DAZL: variants seen among roughly 807,000 people sequenced by gnomAD.
DAZL encodes deleted in azoospermia like, also known as deleted in azoospermia-like.
DAZL carries 4 observed loss-of-function variants against 45.0 expected under a neutral mutation model. The observed-to-expected ratio is 0.09, with a 90% CI of 0.04 to 0.20. The LOEUF is 0.20. DAZL is among the 10% of genes least tolerant of loss of function. The pLI is 1.00. For synonymous variants in DAZL, 122 were observed against 112.4 expected (o/e 1.09, Z -0.54); for missense variants, 326 against 351.3 (o/e 0.93, Z 0.58).
rs368889592 is a variant in DAZL at position 16,592,030 on chromosome 3, C to T, written c.834+20G>A. ...CTAACAAGTGTGCTTTTTAATTGTGCGTAACTGTTATATTCATACCTTGAA... is the reference window on the plus strand; with the variant it reads ...CTAACAAGTGTGCTTTTTAATTGTGTGTAACTGTTATATTCATACCTTGAA... On this transcript the variant is annotated intron_variant, in intron 10 of 10. Transcript: ENST00000399444. 123 of 1,605,124 alleles carry T rather than the reference C, an allele frequency of 7.7e-5. No homozygotes were observed. In the African/African-American group the frequency reaches 1.5e-3, roughly 19 times the overall value.
chr3:16,593,612 A>T (rs1269388292), intron 9 of DAZL, 43 bp downstream of exon 9: 1 of 1,251,882 alleles, frequency 8.0e-7, no homozygotes, highest in Non-Finnish European at 1.1e-6. Context: ...TAAAACTAGA[A>T]AAAATAAATA....
intron 1 of DAZL, chr3:16,604,516 G>A (rs1465746246): frequency 4.0e-6 from 6 of 1,510,490 alleles, no homozygotes; most frequent in Admixed American, 2.2e-5. Context: ...CAAGTCCCCC[G>A]CAGCTGACAG....
rs1334148049 is a variant in DAZL, at chr3:16,598,478, C to T, written c.124G>A (p.Val42Ile). The change falls in exon 2 of 11, where the codon GTT becomes ATT. Residue 42 changes from valine (V) to isoleucine (I), a missense_variant. Around this residue, in one of 3 missense-constraint regions of DAZL, gnomAD observed 81 missense variants for 89.6 expected, o/e 0.90. Transcript: ENST00000399444. ...LPEGKIMPNTVFVGGIDVRMD... is the reference protein window; with the variant it reads ...LPEGKIMPNTIFVGGIDVRMD... ...CTAACATCAATTCCTCCAACAAAAA[C>T]AGTGTTTGGCATGATTTTGCCTTCT... The T allele has an allele frequency of 6.2e-7, 1 of 1,609,052 alleles. No individual in the cohort carries two copies. The highest frequency in any genetic ancestry group is 1.7e-5 in the Admixed American group (1 of 59,934).
intron 1 of DAZL, among the ~76,000 whole-genome samples, chr3:16,600,521 T>A (rs1345985233): frequency 6.6e-6 from 1 of 152,228 alleles, no homozygotes; most frequent in Non-Finnish European, 1.5e-5. Flanking sequence ...TTTCTAAAAA[T>A]GTCTTACGTT....
intron 8 of DAZL, 110 bp from the exon 9 acceptor site, chr3:16,593,878 T>C (rs181015266): frequency 1.0e-5 from 7 of 676,414 alleles, no homozygotes; most frequent in African/African-American, 3.7e-5. Flanking sequence ...GTAGGTTGTG[T>C]TGAAATTCAA....
At chr3:16,592,247 C>A in intron 9 of DAZL, 99 bp from the exon 10 acceptor site, 1 of 1,521,680 alleles carries the variant, frequency 6.6e-7, no homozygotes, top group Admixed American at 1.8e-5. Context: ...TACTTTATTT[C>A]TAAAGAAATG....
At position 16,589,550 on chromosome 3, in the gene DAZL, A is replaced by T. The variant is rs145557201; in HGVS notation, c.835-837T>A. On this transcript the variant is annotated intron_variant, in intron 10 of 10. Transcript: ENST00000399444. ...AAGATTATGAAGGGACTACAGAATC[A>T]AGACAGTGAAGAGTGGAATTAGCTA... 4.4e-3 allele frequency among the ~76,000 whole-genome samples: 673 copies of T among 152,348 alleles called. 4 individuals are homozygous for T. The highest frequency in any genetic ancestry group is 0.014 in the Middle Eastern group (4 of 294).
chr3:16,602,073 A>C lies in DAZL; in HGVS notation c.3+3130T>G, dbSNP rs999794045. Among the ~76,000 whole-genome samples, 4 of 152,178 alleles carry C rather than the reference A, an allele frequency of 2.6e-5. No individual in the cohort carries two copies. The South Asian group carries it at 8.3e-4, about 32-fold the overall frequency. ...AAAATTAAGAAAATATGACATGAAA[A>C]TCAGAATCAAAACTTTAAGTAAATC... On this transcript the variant is annotated intron_variant, in intron 1 of 10. Coordinates refer to ENST00000399444, the MANE Select transcript of DAZL (RefSeq NM_001351.4).
intron 6 of DAZL, among the ~76,000 whole-genome samples, chr3:16,595,821 C>T (rs983280473): frequency 6.6e-6 from 1 of 151,940 alleles, no homozygotes; most frequent in African/African-American, 2.4e-5. Context: ...GATGCTATGG[C>T]TTTTTCTGTA....
At chr3:16,604,699 G>C (rs964369454) in intron 1 of DAZL, 2 of 1,359,790 alleles carry the variant, frequency 1.5e-6, no homozygotes, top group African/African-American at 1.5e-5. Flanking sequence ...AGTTTAAGAA[G>C]GCAAGTCCCT....
intron 9 of DAZL, among the ~76,000 whole-genome samples, chr3:16,592,756 CT>C (rs1028975276): frequency 6.6e-6 from 1 of 151,998 alleles, no homozygotes; most frequent in African/African-American, 2.4e-5. Flanking sequence ...AGGACAAAAC[CT>C]GAAAATTACA....
chr3:16,597,359 T>C, intron 4 of DAZL, 131 bp downstream of exon 4: 1 of 766,172 alleles, frequency 1.3e-6, no homozygotes. Flanking sequence ...TTATGTAAGA[T>C]TCCTCTAAGT....
At chr3:16,599,142 G>A (rs1286891984) in intron 1 of DAZL, among the ~76,000 whole-genome samples, 1 of 151,522 alleles carries the variant, frequency 6.6e-6, no homozygotes, top group East Asian at 1.9e-4. Context: ...ACAATGCTGT[G>A]GAAGAATACT....
intron 10 of DAZL, among the ~76,000 whole-genome samples, chr3:16,590,432 G>A (rs1694500527): frequency 6.6e-6 from 1 of 152,132 alleles, no homozygotes; most frequent in Non-Finnish European, 1.5e-5. Flanking sequence ...ACAAAGTGAT[G>A]GTTAAACATT....
intron 3 of DAZL, 125 bp downstream of exon 3, chr3:16,597,962 T>A (rs1694625575): frequency 3.8e-6 from 4 of 1,046,238 alleles, no homozygotes; most frequent in Non-Finnish European, 5.5e-6. Flanking sequence ...TAAACTTTTA[T>A]CCTCTACATG....
At chr3:16,597,465 G>T in intron 4 of DAZL, 25 bp downstream of exon 4, 1 of 1,385,538 alleles carries the variant, frequency 7.2e-7, no homozygotes, top group Non-Finnish European at 1.0e-6. Flanking sequence ...TTAAACAAAT[G>T]AGATTTTTCT....
intron 10 of DAZL, among the ~76,000 whole-genome samples, chr3:16,591,484 C>T (rs1057492662): frequency 4.4e-4 from 66 of 149,642 alleles, no homozygotes; most frequent in African/African-American, 1.6e-3. Flanking sequence ...GGCTGGAGTA[C>T]AGTGGCACAA....
Position 16,587,767 on chromosome 3 carries a change from G to A in DAZL, c.*893C>T, listed in dbSNP as rs78972593. The stretch of plus-strand genomic sequence containing the variant: ...TATAGCAAGTAACTAATATTTCAAT[G>A]TTTTTATAAAAACAATTCCCTTCAG... On this transcript the variant is annotated 3_prime_UTR_variant, in exon 11 of 11. Coordinates refer to ENST00000399444, the MANE Select transcript of DAZL (RefSeq NM_001351.4). 21,524 of 159,082 alleles carry A rather than the reference G, an allele frequency of 0.14. 1,937 individuals are homozygous for A. The highest frequency in any genetic ancestry group is 0.45 in the East Asian group (2,398 of 5,350). 9.9% of individuals were successfully genotyped at this position (159,082 alleles called of 1,614,324 possible).
At chr3:16,604,331 A>C in intron 1 of DAZL, 1 of 1,010,272 alleles carries the variant, frequency 9.9e-7, no homozygotes. Flanking sequence ...ACCCAACGCT[A>C]TCTACCAAAT....
Sources: gnomAD v4.1 joint callset for allele counts (sites outside exome capture counted in the v4.1 genomes callset) on GRCh38, gnomAD v4.1.1 for gene constraint, gnomAD v4.1.1 regional missense constraint, MANE v1.5 for transcripts, NCBI Gene and HGNC (gene_info 2026-07-23, HGNC 2026-07-21) for gene names.